The following VPS39 variants were observed in gnomAD, a reference collection of about 807,000 sequenced individuals.
VPS39 encodes the protein vam6/Vps39-like protein.
In VPS39, 70 loss-of-function variants were observed where a neutral mutation model predicts 121.0. The observed-to-expected ratio is 0.58, with a 90% confidence interval of 0.48 to 0.71. The LOEUF (loss-of-function observed/expected upper bound fraction) is 0.71, where lower values mean the gene tolerates loss of function less well. VPS39 is among the 30% of genes least tolerant of loss of function. VPS39 has a pLI of 0.00. For missense variants in VPS39, 818 were observed against 1,051.5 expected, an observed-to-expected ratio of 0.78 and a Z score of 3.07; for synonymous variants, 378 against 398.1, an observed-to-expected ratio of 0.95 and a Z score of 0.60.
chr15:42,180,536 T>C (rs753638804), intron 8 of VPS39, among the ~76,000 whole-genome samples: 1 of 152,198 alleles, frequency 6.6e-6, no homozygotes, highest in Non-Finnish European at 1.5e-5. Flanking sequence ...CATAAAATCA[T>C]TGCAAATCAA....
intron 12 of VPS39, among the ~76,000 whole-genome samples, chr15:42,168,698 C>T (rs918833379): frequency 6.6e-5 from 10 of 152,266 alleles, no homozygotes; most frequent in African/African-American, 1.7e-4. Flanking sequence ...CGTGGGCCAC[C>T]ACACCCAGCT....
Position 42,160,640 on chromosome 15 carries a change from T to A in VPS39, c.*114A>T. 4 of 901,504 alleles carry A rather than the reference T, an allele frequency of 4.4e-6. No individual in the cohort carries two copies. The highest frequency in any genetic ancestry group is 7.4e-6 in the Non-Finnish European group (4 of 539,642). The allele number at this position is 901,504 out of a possible 1,614,324, so 55.8% of individuals were successfully genotyped here. A position where few individuals can be genotyped will look rare whatever the true frequency, so the allele number is the denominator to read the frequency against. ...TTCCAGGGCACAAGATAGCCAGTAA[T>A]GTCCAAATGGGGAGCCTTGTGGTGG... On this transcript the variant is annotated 3_prime_UTR_variant, in exon 25 of 25. Coordinates refer to ENST00000318006, the MANE Select transcript of VPS39 (RefSeq NM_015289.5).
intron 2 of VPS39, among the ~76,000 whole-genome samples, chr15:42,193,030 T>A (rs1197102656): frequency 6.6e-6 from 1 of 152,120 alleles, no homozygotes; most frequent in East Asian, 1.9e-4. Flanking sequence ...TCCACCCACC[T>A]CGGCCTTCCA....
chr15:42,166,921 A>G lies in VPS39; in HGVS notation c.1378-8T>C, dbSNP rs1396296185. 2 of 1,614,132 alleles carry G rather than the reference A, an allele frequency of 1.2e-6. No homozygotes were observed. The highest frequency in any genetic ancestry group is 4.5e-5 in the East Asian group (2 of 44,892). ...CACCAGGGCCACATTTGTCTGCAGA[A>G]AGAGCAGGAGTTCAGTGGAAACTGC... On this transcript the variant is annotated splice_polypyrimidine_tract_variant and splice_region_variant and intron_variant, in intron 13 of 24. Coordinates refer to ENST00000318006, the MANE Select transcript of VPS39 (RefSeq NM_015289.5).
At chr15:42,202,463 T>C (rs186982181) in intron 1 of VPS39, among the ~76,000 whole-genome samples, 5 of 152,354 alleles carry the variant, frequency 3.3e-5, no homozygotes, top group Admixed American at 2.0e-4. Flanking sequence ...TAGAACTTTA[T>C]AGATATCATG....
chr15:42,196,849 A>G (rs1449912968), intron 2 of VPS39, among the ~76,000 whole-genome samples: 2 of 152,182 alleles, frequency 1.3e-5, no homozygotes, highest in East Asian at 3.9e-4. Flanking sequence ...ATTATAGATC[A>G]TGCTAGTATA....
At chr15:42,180,266 CTATTA>C (rs759176384) in intron 8 of VPS39, among the ~76,000 whole-genome samples, 1 of 152,118 alleles carries the variant, frequency 6.6e-6, no homozygotes, top group Non-Finnish European at 1.5e-5. Flanking sequence ...TTGTTTTCCT[CTATTA>C]TATCTAAAAA....
Position 42,159,054 on chromosome 15 carries a change from T to A in VPS39, c.*1700A>T, listed in dbSNP as rs1248664257. On this transcript the variant is annotated 3_prime_UTR_variant, in exon 25 of 25. Coordinates refer to ENST00000318006, the MANE Select transcript of VPS39 (RefSeq NM_015289.5). ...GAAGCAGAGTCCAAGCTGGCCCAGA[T>A]GAGGCCCCGGGCAGCACTGCTTCTG... 1 of 152,218 alleles carries A rather than the reference T, an allele frequency of 6.6e-6. No individual in the cohort carries two copies. The highest frequency in any genetic ancestry group is 1.5e-5 in the Non-Finnish European group (1 of 68,068). 9.4% of individuals were successfully genotyped at this position (152,218 alleles called of 1,614,324 possible).
At position 42,164,381 on chromosome 15, in the gene VPS39, A is replaced by G; in HGVS notation, c.2003T>C (p.Leu668Pro). The G allele has an allele frequency of 6.2e-7, 1 of 1,614,138 alleles. No homozygotes were observed. Among genetic ancestry groups the G allele is most frequent in the Non-Finnish European group, 8.5e-7 (1 of 1,179,988 alleles). ...EISSYYDPGR[L>P]ICDFPFDGLL... ...ACCATCAAAGGGAAAATCACAGATG[A>G]GCCGGCCTGGATCATAGTAGCTGGA... The change falls in exon 19 of 25, where the codon CTC (leucine) becomes CCC (proline). Residue 668 changes from leucine to proline, a missense_variant. Physicochemically the swap from Leu to Pro is moderately conservative, Grantham distance 98 (BLOSUM62 -3). Coordinates refer to ENST00000318006, the MANE Select transcript of VPS39 (RefSeq NM_015289.5).
chr15:42,162,103 A>G lies in VPS39; in HGVS notation c.2389T>C (p.Leu797=), dbSNP rs1433380972. ...CGTTTCTTTTGTGCATTTTCTTCCAAGACCTTTTCCAGGAAGATGCGTATG... is the reference window on the plus strand; with the variant it reads ...CGTTTCTTTTGTGCATTTTCTTCCAGGACCTTTTCCAGGAAGATGCGTATG... The part of the protein sequence containing the change: ...NDIRIFLEKV[L]EENAQKKRFN... The change falls in exon 23 of 25, where the codon TTG becomes CTG. Residue 797 remains leucine, a synonymous_variant. Coordinates refer to ENST00000318006, the MANE Select transcript of VPS39 (RefSeq NM_015289.5). 1 of 1,614,222 alleles carries G rather than the reference A, an allele frequency of 6.2e-7. No individual in the cohort carries two copies. The highest frequency in any genetic ancestry group is 1.1e-5 in the South Asian group (1 of 91,084).
intron 8 of VPS39, among the ~76,000 whole-genome samples, chr15:42,179,618 TAAATA>T (rs1335682940): frequency 6.5e-4 from 74 of 113,060 alleles, no homozygotes; most frequent in South Asian, 1.7e-3. Flanking sequence ...AATAAATAAA[TAAATA>T]AAATAAAAAA....
intron 12 of VPS39, 121 bp from the exon 13 acceptor site, chr15:42,167,658 A>G (rs1408714918): frequency 1.5e-6 from 2 of 1,338,978 alleles, no homozygotes; most frequent in Non-Finnish European, 1.0e-6. Context: ...TCACATTAGC[A>G]TTCGATTTTT....
intron 5 of VPS39, among the ~76,000 whole-genome samples, chr15:42,188,168 C>T (rs2049744130): frequency 6.6e-6 from 1 of 152,138 alleles, no homozygotes; most frequent in Non-Finnish European, 1.5e-5. Flanking sequence ...CTCCTTTTTG[C>T]TCTTAAATGT....
At chr15:42,187,387 G>A (rs757088150) in intron 6 of VPS39, 24 bp from the exon 7 acceptor site, 1 of 1,566,396 alleles carries the variant, frequency 6.4e-7, no homozygotes, top group African/African-American at 1.4e-5. Context: ...GCAAGGATCT[G>A]AATGAAATAA....
intron 5 of VPS39, among the ~76,000 whole-genome samples, chr15:42,188,350 G>A (rs996484777): frequency 5.9e-5 from 9 of 152,204 alleles, no homozygotes; most frequent in African/African-American, 2.2e-4. Context: ...AGTAGAGAGA[G>A]GGGTGAGGCA....
At chr15:42,164,305 G>A in intron 19 of VPS39, 53 bp downstream of exon 19, 1 of 1,607,510 alleles carries the variant, frequency 6.2e-7, no homozygotes. Flanking sequence ...GGGTGGATTA[G>A]TCTTTGCATG....
At chr15:42,172,276 G>A (rs535820573) in intron 11 of VPS39, among the ~76,000 whole-genome samples, 53 of 152,330 alleles carry the variant, frequency 3.5e-4, no homozygotes, top group African/African-American at 1.2e-3. Context: ...CACTCAAGCA[G>A]CTCTGAAGAG....
At chr15:42,199,868 T>C in intron 2 of VPS39, 28 bp downstream of exon 2, 3 of 1,553,178 alleles carry the variant, frequency 1.9e-6, no homozygotes, top group Non-Finnish European at 2.6e-6. Flanking sequence ...TTAAAACTTA[T>C]TTTTTTGCAT....
intron 1 of VPS39, among the ~76,000 whole-genome samples, chr15:42,205,678 G>A (rs1438969399): frequency 6.6e-6 from 1 of 152,144 alleles, no homozygotes; most frequent in Non-Finnish European, 1.5e-5. Flanking sequence ...AGTAGAGGAT[G>A]GAATCAGATT....
Sources: allele counts gnomAD v4.1 joint callset (sites outside exome capture counted in the v4.1 genomes callset), GRCh38; gene constraint gnomAD v4.1.1; transcripts MANE v1.5; gene names NCBI Gene and HGNC (gene_info 2026-07-23, HGNC 2026-07-21).